Variants in ROBO2 observed in about 807,000 individuals in gnomAD.
The protein encoded by ROBO2 is roundabout homolog 2.
In ROBO2, 53 loss-of-function variants were observed where a neutral mutation model predicts 160.8. The observed-to-expected ratio is 0.33, with a 90% CI of 0.26 to 0.41. ROBO2 has a LOEUF of 0.41. ROBO2 is among the 10% of genes least tolerant of loss of function. The pLI is 1.00. For synonymous variants in ROBO2, 664 were observed against 611.7 expected, an observed-to-expected ratio of 1.09 and a Z score of -1.26; for missense variants, 1,577 against 1,722.4, an observed-to-expected ratio of 0.92 and a Z score of 1.49.
chr3:76,987,789 A>G (rs1346473255), intron 2 of ROBO2, among the ~76,000 whole-genome samples: 1 of 152,148 alleles, frequency 6.6e-6, no homozygotes, highest in East Asian at 1.9e-4. Flanking sequence ...TTTCCTTGGG[A>G]ATAGTTTAAA....
chr3:76,901,927 G>T (rs1160706992), intron 2 of ROBO2, among the ~76,000 whole-genome samples: 5 of 151,334 alleles, frequency 3.3e-5, no homozygotes, highest in Non-Finnish European at 5.9e-5. Context: ...CACACCTAAG[G>T]GTACCCATGT....
At chr3:77,172,419 A>T (rs2079729549) in intron 2 of ROBO2, among the ~76,000 whole-genome samples, 1 of 152,176 alleles carries the variant, frequency 6.6e-6, no homozygotes, top group Admixed American at 6.5e-5. Flanking sequence ...TTTTTTAAAA[A>T]TGTGTTAATT....
rs115746398 is a variant in ROBO2 at position 77,582,033 on chromosome 3, T to C, written c.2500+1915T>C. 9.7e-3 allele frequency among the ~76,000 whole-genome samples: 1,470 copies of C among 152,324 alleles called. 25 individuals are homozygous for C. The highest frequency in any genetic ancestry group is 0.034 in the African/African-American group (1,416 of 41,572). Reference sequence around the variant, plus strand: ...GAGATTCCCTATCCTAAAATTTACTTTGTCTGATATTAGCATAGCTACATC... The same window carrying C: ...GAGATTCCCTATCCTAAAATTTACTCTGTCTGATATTAGCATAGCTACATC... On this transcript the variant is annotated intron_variant, in intron 16 of 25. Coordinates refer to ENST00000461745, the Ensembl canonical transcript of ROBO2.
At position 75,922,889 on chromosome 3, in the gene ROBO2, A is replaced by G. The variant is rs1305871992; in HGVS notation, c.-13-14592A>G. 5.3e-5 allele frequency among the ~76,000 whole-genome samples: 8 copies of G among 152,262 alleles called. No homozygotes were observed. In the East Asian group the frequency reaches 1.5e-3, roughly 29 times the overall value. On this transcript the variant is annotated intron_variant, in intron 1 of 26. Coordinates refer to the ROBO2 transcript ENST00000487694. ...TTCTAATATAGTAGATGGTAGGAAA[A>G]TAATGACAAATGCATGTTCATACCT...
At chr3:76,905,361 G>A (rs770046178) in intron 2 of ROBO2, among the ~76,000 whole-genome samples, 3 of 152,052 alleles carry the variant, frequency 2.0e-5, no homozygotes, top group Non-Finnish European at 4.4e-5. Context: ...AAAAAAAGTC[G>A]GAAACTATCA....
intron 2 of ROBO2, among the ~76,000 whole-genome samples, chr3:76,813,177 A>C (rs1350441444): frequency 1.3e-5 from 2 of 152,130 alleles, no homozygotes; most frequent in East Asian, 3.9e-4. Context: ...CTCCAAGTGT[A>C]TTTACATATG....
chr3:76,095,856 T>C (rs1170570935), intron 2 of ROBO2, among the ~76,000 whole-genome samples: 1 of 150,952 alleles, frequency 6.6e-6, no homozygotes, highest in Non-Finnish European at 1.5e-5. Context: ...GAAATAGAAA[T>C]TGCAAAGACA....
intron 2 of ROBO2, among the ~76,000 whole-genome samples, chr3:77,436,197 G>A (rs1043109821): frequency 6.6e-6 from 1 of 151,510 alleles, no homozygotes; most frequent in Non-Finnish European, 1.5e-5. Context: ...ATATTGGGCT[G>A]ATGAGAGATT....
intron 2 of ROBO2, among the ~76,000 whole-genome samples, chr3:76,010,053 A>G (rs2107606865): frequency 6.6e-6 from 1 of 152,342 alleles, no homozygotes; most frequent in African/African-American, 2.4e-5. Context: ...TGAAAGTGGA[A>G]TTATTTAAGT....
At chr3:77,240,087 T>C (rs9852515) in intron 2 of ROBO2, among the ~76,000 whole-genome samples, 1 of 152,132 alleles carries the variant, frequency 6.6e-6, no homozygotes, top group Non-Finnish European at 1.5e-5. Flanking sequence ...CATGCTGCGC[T>C]CCTGCACTCC....
At chr3:76,825,389 T>C (rs2066478001) in intron 2 of ROBO2, among the ~76,000 whole-genome samples, 1 of 152,100 alleles carries the variant, frequency 6.6e-6, no homozygotes, top group South Asian at 2.1e-4. Context: ...GTTTATAGTT[T>C]TTCCCAATAT....
chr3:76,381,646 G>C (rs1040649439), intron 2 of ROBO2, among the ~76,000 whole-genome samples: 1 of 152,070 alleles, frequency 6.6e-6, no homozygotes, highest in Non-Finnish European at 1.5e-5. Flanking sequence ...ACTGTGCCCC[G>C]CCTATTATTA....
chr3:76,225,292 A>G (rs754177804), intron 2 of ROBO2, among the ~76,000 whole-genome samples: 2 of 152,300 alleles, frequency 1.3e-5, no homozygotes, highest in Admixed American at 1.3e-4. Context: ...ATTTACACCA[A>G]TGTCAATGTC....
chr3:76,134,251 A>T (rs1004924350), intron 2 of ROBO2, among the ~76,000 whole-genome samples: 1 of 150,336 alleles, frequency 6.7e-6, no homozygotes, highest in African/African-American at 2.5e-5. Flanking sequence ...TTTATTTCAA[A>T]TTCCCAAGTG....
At chr3:76,610,818 C>A (rs1441895719) in intron 2 of ROBO2, among the ~76,000 whole-genome samples, 1 of 151,664 alleles carries the variant, frequency 6.6e-6, no homozygotes. Context: ...TGCGGTCCAG[C>A]GAGCAGGAGC....
chr3:76,115,245 T>A (rs141051288), intron 2 of ROBO2, among the ~76,000 whole-genome samples: 2 of 152,092 alleles, frequency 1.3e-5, no homozygotes, highest in East Asian at 1.9e-4. Context: ...TCTAATAAAT[T>A]CCCCTTTTTT....
chr3:76,622,169 C>A (rs2089144100), intron 2 of ROBO2, among the ~76,000 whole-genome samples: 1 of 139,536 alleles, frequency 7.2e-6, no homozygotes, highest in Admixed American at 7.7e-5. Context: ...CATAGCAAGA[C>A]CTCATATCTA....
At chr3:76,947,843 C>A (rs775655645) in intron 2 of ROBO2, among the ~76,000 whole-genome samples, 22 of 152,088 alleles carry the variant, frequency 1.4e-4, no homozygotes, top group Admixed American at 2.0e-4. Flanking sequence ...GTTGTTATTG[C>A]TGCTGTTGTT....
Position 77,063,216 on chromosome 3 carries a change from G to A in ROBO2, c.61+22370G>A, listed in dbSNP as rs553942594. On this transcript the variant is annotated intron_variant, in intron 1 of 25. Transcript: ENST00000461745. ...AGTTCAGAGTAAGGTTTCGCCAAGG[G>A]CTATGCCCATCTGCCACCCCTAACC... Among the ~76,000 whole-genome samples, 11 of 152,318 alleles carry A rather than the reference G, an allele frequency of 7.2e-5. No homozygotes were observed. In the South Asian group the frequency reaches 2.3e-3, roughly 32 times the overall value.
Sources: allele counts gnomAD v4.1 joint callset (sites outside exome capture counted in the v4.1 genomes callset), GRCh38; gene constraint gnomAD v4.1.1; transcripts MANE v1.5; gene names NCBI Gene and HGNC (gene_info 2026-07-23, HGNC 2026-07-21).